Variants in DOLK observed in about 807,000 individuals in gnomAD.
The protein encoded by DOLK is SEC59 homolog.
A neutral mutation model predicts 31.7 loss-of-function variants in DOLK; 20 were observed. The ratio of observed to expected loss-of-function variants is 0.63; its 90% CI spans 0.44 to 0.92. The LOEUF (loss-of-function observed/expected upper bound fraction) is 0.92. Ranked by LOEUF, DOLK falls within the 40% of genes least tolerant of loss-of-function variation. DOLK has a pLI of 0.00. For synonymous variants in DOLK, 309 were observed against 287.0 expected (o/e 1.08, Z -0.77); for missense variants, 594 against 680.7 (o/e 0.87, Z 1.42).
At position 128,946,255 on chromosome 9, in the gene DOLK, G is replaced by A. The variant is rs1467665746; in HGVS notation, c.1049C>T (p.Pro350Leu). Residue 350 changes from proline (P) to leucine (L), a missense_variant, in exon 1 of 1, where the codon CCA (proline) becomes CTA (leucine). Pro to Leu is a moderately conservative substitution (Grantham distance 98). Coordinates refer to ENST00000372586, the MANE Select transcript of DOLK (RefSeq NM_014908.4). The part of the protein sequence containing the change: ...FHLIVVATYI[P>L]GIIFDRPLLY... ...CAGTGGCCGGTCAAAGATGATACCT[G>A]GGATGTAGGTGGCTACCACAATGAG... 1 of 1,614,166 alleles carries A rather than the reference G, an allele frequency of 6.2e-7. No individual in the cohort carries two copies. The highest frequency in any genetic ancestry group is 8.5e-7 in the Non-Finnish European group (1 of 1,180,026).
Position 128,946,311 on chromosome 9 carries a change from C to G in DOLK, c.993G>C (p.Gln331His), listed in dbSNP as rs1841665962. 2 of 1,614,134 alleles carry G rather than the reference C, an allele frequency of 1.2e-6. No individual in the cohort carries two copies. Among genetic ancestry groups the G allele is most frequent in the Non-Finnish European group, 1.7e-6 (2 of 1,180,032 alleles). ...AATACTTTCGGGCGATGGTGGGGGC[C>G]TGGTGCTTCTTGGACTCGGAAGATG... ...KRSSSESKKH[Q>H]APTIARKYFH... The change falls in exon 1 of 1, where the codon CAG (glutamine) becomes CAC (histidine). Residue 331 changes from glutamine to histidine, a missense_variant. Physicochemically the swap from Gln to His is conservative, Grantham distance 24. Coordinates refer to ENST00000372586, the MANE Select transcript of DOLK (RefSeq NM_014908.4).
Position 128,946,153 on chromosome 9 carries a change from A to G in DOLK, c.1151T>C (p.Leu384Ser), listed in dbSNP as rs1588261989. The G allele has an allele frequency of 6.2e-7, 1 of 1,614,212 alleles. No homozygotes were observed. Among genetic ancestry groups the G allele is most frequent in the East Asian group, 2.2e-5 (1 of 44,888 alleles). ...EYVRYFRIKP[L>S]GHTLRSFLSL... is the part of the protein sequence containing the mutation. The stretch of plus-strand genomic sequence containing the variant: ...CAGGAAGCTCCGTAGAGTGTGACCC[A>G]AAGGCTTGATGCGGAAGTAGCGCAC... Residue 384 changes from leucine to serine, a missense_variant, in exon 1 of 1, where the codon TTG becomes TCG. Transcript: ENST00000372586.
Position 128,945,574 on chromosome 9 carries a change from A to C in DOLK, c.*113T>G. On this transcript the variant is annotated 3_prime_UTR_variant, in exon 1 of 1. Transcript: ENST00000372586. ...ATTTTAAATCTGAATCAACTGAAAA[A>C]TCAAATCTGCTTTTCACACCTTGGC... 1 of 1,317,612 alleles carries C rather than the reference A, an allele frequency of 7.6e-7. No individual in the cohort carries two copies. Among genetic ancestry groups the C allele is most frequent in the Non-Finnish European group, 1.1e-6 (1 of 916,532 alleles). The allele number at this position is 1,317,612 out of a possible 1,614,324, so 81.6% of individuals were successfully genotyped here.
In DOLK at chr9:128,946,834, T is replaced by G. The variant is rs145050630; in HGVS notation, c.470A>C (p.His157Pro). The G allele has an allele frequency of 1.2e-6, 2 of 1,611,750 alleles. No individual in the cohort carries two copies. The highest frequency in any genetic ancestry group is 2.7e-5 in the African/African-American group (2 of 74,672). Residue 157 changes from histidine (H) to proline (P), a missense_variant, in exon 1 of 1, where the codon CAC (histidine) becomes CCC (proline). Physicochemically the swap from His to Pro is moderately conservative, Grantham distance 77. Coordinates refer to ENST00000372586, the MANE Select transcript of DOLK (RefSeq NM_014908.4). ...GATCACCTCCCCCACGCTCAACGAGTGCTTCATGATATAAATGATAACACC... is the reference window on the plus strand; with the variant it reads ...GATCACCTCCCCCACGCTCAACGAGGGCTTCATGATATAAATGATAACACC... ...AGGVIIYIMK[H>P]SLSVGEVIEV...
rs1301002689 is a variant in DOLK, at chr9:128,945,876, G to A, written c.1428C>T (p.Thr476=). 11 of 1,614,178 alleles carry A rather than the reference G, an allele frequency of 6.8e-6. No homozygotes were observed. Among genetic ancestry groups the A allele is most frequent in the African/African-American group, 1.3e-5 (1 of 75,046 alleles). The part of the protein sequence containing the change: ...WPGTKKTFEG[T]MTSIFAQIIS... ...TGATCTGCGCAAATATAGATGTCATGGTCCCCTCAAAAGTCTTTTTGGTTC... is the reference window on the plus strand; with the variant it reads ...TGATCTGCGCAAATATAGATGTCATAGTCCCCTCAAAAGTCTTTTTGGTTC... The change falls in exon 1 of 1, where the codon ACC becomes ACT. Residue 476 remains threonine, a synonymous_variant. Transcript: ENST00000372586.
Position 128,946,016 on chromosome 9 carries a change from C to A in DOLK, c.1288G>T (p.Gly430Cys), listed in dbSNP as rs140983401. The change falls in exon 1 of 1, where the codon GGT (glycine) becomes TGT (cysteine). Residue 430 changes from glycine (G) to cysteine (C), a missense_variant. Coordinates refer to ENST00000372586, the MANE Select transcript of DOLK (RefSeq NM_014908.4). Reference protein sequence around the residue: ...WLIPRPCTQKGSLGGARALVP... With the variant: ...WLIPRPCTQKCSLGGARALVP... The stretch of plus-strand genomic sequence containing the variant: ...AGGGCCCTGGCTCCTCCCAGGCTAC[C>A]CTTCTGTGTGCAGGGTCTGGGGATC... 7.4e-6 allele frequency: 12 copies of A among 1,614,042 alleles called. No homozygotes were observed. The highest frequency in any genetic ancestry group is 8.5e-6 in the Non-Finnish European group (10 of 1,180,050).
rs1281188800 is a variant in DOLK, at chr9:128,946,569, A to T, written c.735T>A (p.Phe245Leu). Reference protein sequence around the residue: ...VLMGIFFSTLFVFMDSGTWAS... With the variant: ...VLMGIFFSTLLVFMDSGTWAS... ...CCCAGGTGCCTGAGTCCATGAAGAC[A>T]AACAGAGTGCTGAAGAAAATGCCCA... Residue 245 changes from phenylalanine to leucine, a missense_variant, in exon 1 of 1, where the codon TTT (phenylalanine) becomes TTA (leucine). Phe to Leu is a conservative substitution (Grantham distance 22). Transcript: ENST00000372586. The T allele has an allele frequency of 3.1e-6, 5 of 1,613,968 alleles. No individual in the cohort carries two copies. Among genetic ancestry groups the T allele is most frequent in the Non-Finnish European group, 2.5e-6 (3 of 1,180,024 alleles).
chr9:128,947,407 G>T lies in DOLK; in HGVS notation c.-104C>A. The T allele has an allele frequency of 7.0e-7, 1 of 1,421,770 alleles. No homozygotes were observed. Among genetic ancestry groups the T allele is most frequent in the Non-Finnish European group, 9.8e-7 (1 of 1,022,522 alleles). The allele number at this position is 1,421,770 out of a possible 1,614,324, so 88.1% of individuals were successfully genotyped here. A position where few individuals can be genotyped will look rare whatever the true frequency, so the allele number is the denominator to read the frequency against. ...AGAGGGAGGCACTTTCACCCGGCCAGCAACCTTCTCCCTCCGTTCTCCAGC... is the reference window on the plus strand; with the variant it reads ...AGAGGGAGGCACTTTCACCCGGCCATCAACCTTCTCCCTCCGTTCTCCAGC... On this transcript the variant is annotated 5_prime_UTR_variant, in exon 1 of 1. The change creates a new upstream start codon in the 5' untranslated region. Transcript: ENST00000372586.
Position 128,946,754 on chromosome 9 carries a change from G to A in DOLK, c.550C>T (p.Leu184=), listed in dbSNP as rs572017725. The change falls in exon 1 of 1, where the codon CTG becomes TTG. Residue 184 remains leucine (L), a synonymous_variant. Transcript: ENST00000372586. The part of the protein sequence containing the change: ...FVYLNMILLY[L]LPRCFTPGEA... ...CCAGGGGTGAAGCAGCGGGGCAGCA[G>A]GTACAGCAGGATCATGTTGAGATAA... The A allele has an allele frequency of 3.7e-6, 6 of 1,614,074 alleles. No homozygotes were observed. The South Asian group carries it at 5.5e-5, about 15-fold the overall frequency.
At position 128,947,139 on chromosome 9, in the gene DOLK, G is replaced by T. The variant is rs1366267146; in HGVS notation, c.165C>A (p.Tyr55Ter). The change falls in exon 1 of 1, where the codon TAC (tyrosine) becomes TAA (stop). Residue 55 changes from tyrosine (Y) to a stop codon, truncating the protein, a stop_gained. Transcript: ENST00000372586. LOFTEE classifies it high-confidence loss of function. ...GCAGCCGGTCCCACTTGTATTGGAC[G>T]TAGAAGGCCTGCACTGCGAGGGCCA... ...CAVALAVQAF[Y>*]VQYKWDRLLQ... 5.0e-6 allele frequency: 8 copies of T among 1,613,768 alleles called. No homozygotes were observed. Among genetic ancestry groups the T allele is most frequent in the Non-Finnish European group, 6.8e-6 (8 of 1,180,006 alleles).
chr9:128,947,567 G>A lies in DOLK; in HGVS notation c.-264C>T, dbSNP rs1841698659. The A allele has an allele frequency of 1.5e-5, 16 of 1,041,938 alleles. No homozygotes were observed. Among genetic ancestry groups the A allele is most frequent in the Admixed American group, 2.9e-5 (1 of 34,354 alleles). 64.5% of individuals were successfully genotyped at this position (1,041,938 alleles called of 1,614,324 possible). The stretch of plus-strand genomic sequence containing the variant: ...CCTCACAGTTACAGCCGCCCCCGCT[G>A]CCGGCTCCTCACCTCTTTGGGCCTC... On this transcript the variant is annotated 5_prime_UTR_variant, in exon 1 of 1. It introduces an in-frame stop codon into an upstream open reading frame of the 5' UTR. Transcript: ENST00000372586.
chr9:128,946,744 C>A lies in DOLK; in HGVS notation c.560G>T (p.Arg187Leu), dbSNP rs377658203. The A allele has an allele frequency of 1.2e-5, 20 of 1,613,830 alleles. No homozygotes were observed. Among genetic ancestry groups the A allele is most frequent in the Admixed American group, 3.3e-5 (2 of 59,960 alleles). Residue 187 changes from arginine to leucine, a missense_variant, in exon 1 of 1, where the codon CGC (arginine) becomes CTC (leucine). Physicochemically the swap from Arg to Leu is moderately radical, Grantham distance 102. Transcript: ENST00000372586. ...CAGTGCCTCACCAGGGGTGAAGCAG[C>A]GGGGCAGCAGGTACAGCAGGATCAT... is the stretch of plus-strand genomic sequence containing the variant. ...LNMILLYLLP[R>L]CFTPGEALLV...
At position 128,947,056 on chromosome 9, in the gene DOLK, G is replaced by T; in HGVS notation, c.248C>A (p.Pro83His). ...AAGCAAAGGCATGACCATGGAGGCG[G>T]GCAATAGGCCACTGTTTGCGGACAT... ...FRMSANSGLL[P>H]ASMVMPLLGL... Residue 83 changes from proline (P) to histidine (H), a missense_variant, in exon 1 of 1, where the codon CCC becomes CAC. Pro to His is a moderately conservative substitution (Grantham distance 77). Transcript: ENST00000372586. 6.2e-7 allele frequency: 1 copy of T among 1,613,772 alleles called. No individual in the cohort carries two copies. Among genetic ancestry groups the T allele is most frequent in the Non-Finnish European group, 8.5e-7 (1 of 1,180,010 alleles).
In DOLK at chr9:128,947,395, T is replaced by C; in HGVS notation, c.-92A>G. 1 of 1,504,866 alleles carries C rather than the reference T, an allele frequency of 6.6e-7. No homozygotes were observed. Among genetic ancestry groups the C allele is most frequent in the South Asian group, 1.2e-5 (1 of 86,738 alleles). The allele number at this position is 1,504,866 out of a possible 1,614,324, so 93.2% of individuals were successfully genotyped here. On this transcript the variant is annotated 5_prime_UTR_variant, in exon 1 of 1. Coordinates refer to ENST00000372586, the MANE Select transcript of DOLK (RefSeq NM_014908.4). ...GCCCCGTCAAGCAGAGGGAGGCACT[T>C]TCACCCGGCCAGCAACCTTCTCCCT...
In DOLK at chr9:128,946,990, G is replaced by A. The variant is rs1255890697; in HGVS notation, c.314C>T (p.Pro105Leu). Residue 105 changes from proline to leucine, a missense_variant, in exon 1 of 1, where the codon CCG becomes CTG. By Grantham distance (98) the Pro-to-Leu change is moderately conservative. Transcript: ENST00000372586. Reference sequence around the variant, plus strand: ...CACAATGCCAAAACGCTCAAAGAACGGGTTCCCAGCAGTCTGGCACCGCTC... The same window carrying A: ...CACAATGCCAAAACGCTCAAAGAACAGGTTCCCAGCAGTCTGGCACCGCTC... ...MKERCQTAGN[P>L]FFERFGIVVA... 1 of 1,607,082 alleles carries A rather than the reference G, an allele frequency of 6.2e-7. No homozygotes were observed. The highest frequency in any genetic ancestry group is 8.5e-7 in the Non-Finnish European group (1 of 1,178,712).
chr9:128,947,601 G>T lies in DOLK; in HGVS notation c.-298C>A, dbSNP rs919697556. The T allele has an allele frequency of 1.6e-6, 2 of 1,275,996 alleles. No homozygotes were observed. Among genetic ancestry groups the T allele is most frequent in the African/African-American group, 3.0e-5 (2 of 66,532 alleles). 79.0% of individuals were successfully genotyped at this position (1,275,996 alleles called of 1,614,324 possible). ...TCACCTCTTTGGGCCTCGCCATCTT[G>T]GCACCGCCCCGCGGCAACGTCACGT... On this transcript the variant is annotated 5_prime_UTR_variant, in exon 1 of 1. Transcript: ENST00000372586.
chr9:128,947,398 A>G lies in DOLK; in HGVS notation c.-95T>C. The G allele has an allele frequency of 1.4e-6, 2 of 1,479,106 alleles. No individual in the cohort carries two copies. The highest frequency in any genetic ancestry group is 1.9e-6 in the Non-Finnish European group (2 of 1,072,060). 91.6% of individuals were successfully genotyped at this position (1,479,106 alleles called of 1,614,324 possible). A position where few individuals can be genotyped will look rare whatever the true frequency, so the allele number is the denominator to read the frequency against. On this transcript the variant is annotated 5_prime_UTR_variant, in exon 1 of 1. Transcript: ENST00000372586. ...CCGTCAAGCAGAGGGAGGCACTTTCACCCGGCCAGCAACCTTCTCCCTCCG... is the reference window on the plus strand; with the variant it reads ...CCGTCAAGCAGAGGGAGGCACTTTCGCCCGGCCAGCAACCTTCTCCCTCCG...
Position 128,947,252 on chromosome 9 carries a change from C to T in DOLK, c.52G>A (p.Gly18Arg), listed in dbSNP as rs777998210. ...PAPGPGAPLS[G>R]SVLAEAAVVF... ...ACTGCCGCCTCTGCCAGCACCGATC[C>T]ACTCAGCGGAGCCCCAGGCCCCGGG... The change falls in exon 1 of 1, where the codon GGA becomes AGA. Residue 18 changes from glycine (G) to arginine (R), a missense_variant. Transcript: ENST00000372586. 156 of 1,613,530 alleles carry T rather than the reference C, an allele frequency of 9.7e-5. No homozygotes were observed. The Admixed American group carries it at 2.5e-3, about 26-fold the overall frequency.
Position 128,947,352 on chromosome 9 carries a change from T to C in DOLK, c.-49A>G, listed in dbSNP as rs116439010. The C allele has an allele frequency of 3.5e-3, 5,625 of 1,607,400 alleles. 139 individuals carry two copies. In the African/African-American group the frequency reaches 0.059, roughly 17 times the overall value. On this transcript the variant is annotated 5_prime_UTR_variant, in exon 1 of 1. Coordinates refer to ENST00000372586, the MANE Select transcript of DOLK (RefSeq NM_014908.4). The stretch of plus-strand genomic sequence containing the variant: ...GAGGCCGGGGCGACTACGGACGCCC[T>C]AGACTTCGGGCCCCTCAGCCCCGTC...
Sources: gnomAD v4.1 joint callset for allele counts on GRCh38, gnomAD v4.1.1 for gene constraint, MANE v1.5 for transcripts, NCBI Gene and HGNC (gene_info 2026-07-23, HGNC 2026-07-21) for gene names.